The following RBM23 variants were observed in gnomAD, a reference collection of about 807,000 sequenced individuals.
RBM23 encodes probable RNA-binding protein 23.
In RBM23, 53 loss-of-function variants were observed where a neutral mutation model predicts 56.2. The ratio of observed to expected loss-of-function variants is 0.94; its 90% CI spans 0.76 to 1.19. The LOEUF (loss-of-function observed/expected upper bound fraction) is 1.19, where lower values mean the gene tolerates loss of function less well. Ranked by LOEUF, RBM23 falls within the 50% of genes most tolerant of loss-of-function variation. The pLI, the probability that RBM23 is intolerant of heterozygous loss-of-function variation, is 0.00. For missense variants in RBM23, 642 were observed against 590.3 expected (o/e 1.09, Z -0.91); for synonymous variants, 197 against 198.5 (o/e 0.99, Z 0.06).
chr14:22,912,341 G>C (rs1161102982), intron 1 of RBM23, among the ~76,000 whole-genome samples: 1 of 152,094 alleles, frequency 6.6e-6, no homozygotes, highest in African/African-American at 2.4e-5. Flanking sequence ...TTATCCCTGA[G>C]CATTTTCTAA....
chr14:22,908,161 CA>C (rs1299784000), intron 4 of RBM23, among the ~76,000 whole-genome samples, 171 bp downstream of exon 4: 1 of 152,062 alleles, frequency 6.6e-6, no homozygotes, highest in Non-Finnish European at 1.5e-5. Context: ...GCTGGGAGTA[CA>C]AACATGTACT....
intron 10 of RBM23, chr14:22,902,907 T>A: frequency 1.4e-6 from 1 of 700,078 alleles, no homozygotes; most frequent in Non-Finnish European, 1.8e-6. Context: ...CCCGAGTAGC[T>A]GGAATTACAG....
chr14:22,912,026 A>G (rs1366830846), intron 1 of RBM23: 1 of 152,288 alleles, frequency 6.6e-6, no homozygotes, highest in Non-Finnish European at 1.5e-5. Context: ...ATCCTGTTCT[A>G]TGAAGAGAAA....
rs61680322 is a variant in RBM23 at position 22,902,046 on chromosome 14, G to GGGCGGCGGCGGC, written c.1168_1179dup (p.Ala390_Ala393dup). On this transcript the variant is annotated inframe_insertion, in exon 12 of 14. Coordinates refer to ENST00000359890, the MANE Select transcript of RBM23 (RefSeq NM_001077351.2). ...CCATTCAGTTGCAAGGCAGCAGCCT[G>GGGCGGCGGCGGC]GGCGGCGGCGGCAGCAGCAGCAGCA... is the stretch of plus-strand genomic sequence containing the variant. The GGGCGGCGGCGGC allele has an allele frequency of 1.9e-6, 3 of 1,546,500 alleles. No individual in the cohort carries two copies. The highest frequency in any genetic ancestry group is 1.2e-5 in the South Asian group (1 of 86,408).
chr14:22,897,960 T>C lies in RBM23; in HGVS notation c.*3770A>G, dbSNP rs2040274933. ...TAGAACACCTAACCTACAACCAACC[T>C]TGCATAAATGTTAACAATGACCATT... On this transcript the variant is annotated 3_prime_UTR_variant, in exon 14 of 14. Transcript: ENST00000359890. 1 of 152,246 alleles carries C rather than the reference T, an allele frequency of 6.6e-6. No individual in the cohort carries two copies. Among genetic ancestry groups the C allele is most frequent in the African/African-American group, 2.4e-5 (1 of 41,460 alleles). The allele number at this position is 152,246 out of a possible 1,614,324, so 9.4% of individuals were successfully genotyped here. A position where few individuals can be genotyped will look rare whatever the true frequency, so the allele number is the denominator to read the frequency against.
At position 22,901,082 on chromosome 14, in the gene RBM23, C is replaced by G. The variant is rs2040428806; in HGVS notation, c.*648G>C. ...CCCCTAAATGCCTCACAGGACAGAT[C>G]ACTCTCACACCTCCTGGCAGGACAG... On this transcript the variant is annotated 3_prime_UTR_variant, in exon 14 of 14. Coordinates refer to ENST00000359890, the MANE Select transcript of RBM23 (RefSeq NM_001077351.2). The G allele has an allele frequency of 6.6e-6, 1 of 152,606 alleles. No homozygotes were observed. Among genetic ancestry groups the G allele is most frequent in the African/African-American group, 2.4e-5 (1 of 41,454 alleles). The allele number at this position is 152,606 out of a possible 1,614,324, so 9.5% of individuals were successfully genotyped here. A position where few individuals can be genotyped will look rare whatever the true frequency, so the allele number is the denominator to read the frequency against.
rs2040258309 is a variant in RBM23 at position 22,896,976 on chromosome 14, G to A, written c.*4754C>T. 6.6e-6 allele frequency: 1 copy of A among 152,216 alleles called. No individual in the cohort carries two copies. The highest frequency in any genetic ancestry group is 1.5e-5 in the Non-Finnish European group (1 of 68,030). The allele number at this position is 152,216 out of a possible 1,614,324, so 9.4% of individuals were successfully genotyped here. A position where few individuals can be genotyped will look rare whatever the true frequency, so the allele number is the denominator to read the frequency against. On this transcript the variant is annotated 3_prime_UTR_variant, in exon 14 of 14. Transcript: ENST00000359890. Reference sequence around the variant, plus strand: ...TCACCTGGTTGCCATGGAAACATCAGTCTCTGGTGGATGGCAAGCAGCACT... The same window carrying A: ...TCACCTGGTTGCCATGGAAACATCAATCTCTGGTGGATGGCAAGCAGCACT...
At position 22,895,979 on chromosome 14, in the gene RBM23, T is replaced by A. The variant is rs758042712; in HGVS notation, c.*5751A>T. On this transcript the variant is annotated 3_prime_UTR_variant, in exon 14 of 14. Transcript: ENST00000359890. ...TTTCCTGAAAACTAGGCAGGTTGTG[T>A]GTGACCCAAGACCTTGTAAGCTTGG... 5 of 152,222 alleles carry A rather than the reference T, an allele frequency of 3.3e-5. No individual in the cohort carries two copies. Among genetic ancestry groups the A allele is most frequent in the Non-Finnish European group, 7.3e-5 (5 of 68,040 alleles). 9.4% of individuals were successfully genotyped at this position (152,222 alleles called of 1,614,324 possible).
chr14:22,904,852 A>G, intron 9 of RBM23, 23 bp downstream of exon 9: 1 of 1,613,644 alleles, frequency 6.2e-7, no homozygotes. Flanking sequence ...TTCCCTTCAG[A>G]GGTTTCTCTC....
At chr14:22,904,596 C>T (rs868826520) in intron 9 of RBM23, among the ~76,000 whole-genome samples, 16 of 151,718 alleles carry the variant, frequency 1.1e-4, no homozygotes, top group Non-Finnish European at 8.8e-5. Flanking sequence ...CTCAGCCTCT[C>T]GACTAGTTGG....
intron 1 of RBM23, among the ~76,000 whole-genome samples, chr14:22,916,490 G>A (rs2043529652): frequency 6.7e-6 from 1 of 148,798 alleles, no homozygotes; most frequent in Admixed American, 6.7e-5. Flanking sequence ...TGCCCAGGCT[G>A]GTCTCAAACT....
rs573966246 is a variant in RBM23, at chr14:22,904,816, A to T, written c.864+59T>A. On this transcript the variant is annotated intron_variant, in intron 9 of 13. Transcript: ENST00000359890. ...AGGCACAACAGAGAAGTACACTCAA[A>T]CACTCACCCTCCCCACTTCTTCCAA... The T allele has an allele frequency of 1.9e-4, 298 of 1,605,340 alleles. 1 individual carries two copies. The South Asian group carries it at 2.8e-3, about 15-fold the overall frequency.
chr14:22,904,056 G>A, intron 10 of RBM23: 1 of 1,508,610 alleles, frequency 6.6e-7, no homozygotes, highest in South Asian at 1.2e-5. Context: ...CCCATACCAG[G>A]GCCACTGACA....
In RBM23 at chr14:22,912,998, C is replaced by CAAAA. The variant is rs58361546; in HGVS notation, c.-10-1599_-10-1596dup. Among the ~76,000 whole-genome samples the CAAAA allele has an allele frequency of 9.3e-4, 33 of 35,418 alleles. 4 individuals are homozygous for CAAAA. Among genetic ancestry groups the CAAAA allele is most frequent in the African/African-American group, 4.6e-3 (29 of 6,272 alleles). The allele number at this position is 35,418 out of a possible 152,430, so 23.2% of individuals were successfully genotyped here. On this transcript the variant is annotated intron_variant, in intron 1 of 13. Coordinates refer to ENST00000359890, the MANE Select transcript of RBM23 (RefSeq NM_001077351.2). ...CTGGAGACAGAGTGAGATTCAGTCT[C>CAAAA]AAAAAAAAAAAAAAAAAAAAAAAAA...
At position 22,894,160 on chromosome 14, in the gene RBM23, GC is replaced by G. The variant is rs1433427492; in HGVS notation, c.*7569del. The G allele has an allele frequency of 1.3e-5, 2 of 152,278 alleles. No homozygotes were observed. The highest frequency in any genetic ancestry group is 2.9e-5 in the Non-Finnish European group (2 of 68,036). The allele number at this position is 152,278 out of a possible 1,614,324, so 9.4% of individuals were successfully genotyped here. On this transcript the variant is annotated 3_prime_UTR_variant, in exon 14 of 14. Transcript: ENST00000359890. ...AATGCCTTTTGCAACCTATGTCCTG[GC>G]CCTTTATTTAGGCATCAAAGCAGCT...
At position 22,897,956 on chromosome 14, in the gene RBM23, A is replaced by G. The variant is rs1162547043; in HGVS notation, c.*3774T>C. 6.6e-6 allele frequency: 1 copy of G among 152,256 alleles called. No homozygotes were observed. The highest frequency in any genetic ancestry group is 1.5e-5 in the Non-Finnish European group (1 of 68,042). The allele number at this position is 152,256 out of a possible 1,614,324, so 9.4% of individuals were successfully genotyped here. ...CGATTAGAACACCTAACCTACAACC[A>G]ACCTTGCATAAATGTTAACAATGAC... On this transcript the variant is annotated 3_prime_UTR_variant, in exon 14 of 14. Transcript: ENST00000359890.
intron 2 of RBM23, 72 bp from the exon 3 acceptor site, chr14:22,909,667 A>G: frequency 9.1e-7 from 1 of 1,098,210 alleles, no homozygotes; most frequent in South Asian, 1.3e-5. Context: ...GGCAAAGGGA[A>G]CAAAGGTGGA....
Position 22,901,376 on chromosome 14 carries a change from C to G in RBM23, c.*354G>C. 1 of 249,632 alleles carries G rather than the reference C, an allele frequency of 4.0e-6. No homozygotes were observed. Among genetic ancestry groups the G allele is most frequent in the Non-Finnish European group, 6.8e-6 (1 of 147,984 alleles). 15.5% of individuals were successfully genotyped at this position (249,632 alleles called of 1,614,324 possible). Reference sequence around the variant, plus strand: ...TACAGGAAAAGGAGAGAGGTCAGTTCCTTCAGTATGCCCTATGGCCTTCCC... The same window carrying G: ...TACAGGAAAAGGAGAGAGGTCAGTTGCTTCAGTATGCCCTATGGCCTTCCC... On this transcript the variant is annotated 3_prime_UTR_variant, in exon 14 of 14. Coordinates refer to ENST00000359890, the MANE Select transcript of RBM23 (RefSeq NM_001077351.2).
chr14:22,916,735 C>T (rs776256399), intron 1 of RBM23, among the ~76,000 whole-genome samples: 14 of 152,028 alleles, frequency 9.2e-5, no homozygotes, highest in Non-Finnish European at 1.9e-4. Context: ...ATGTTCTTCT[C>T]ATATGTTTAT....
Sources: allele counts gnomAD v4.1 joint callset (sites outside exome capture counted in the v4.1 genomes callset), GRCh38; gene constraint gnomAD v4.1.1; transcripts MANE v1.5; gene names NCBI Gene and HGNC (gene_info 2026-07-23, HGNC 2026-07-21).